The following UBAP2 variants were observed in gnomAD, a reference collection of about 807,000 sequenced individuals.
UBAP2 encodes the protein ubiquitin associated protein 2.
UBAP2 carries 75 observed loss-of-function variants against 139.6 expected under a neutral mutation model. The observed-to-expected ratio is 0.54, with a 90% CI of 0.45 to 0.65. The LOEUF (loss-of-function observed/expected upper bound fraction) is 0.65. UBAP2 is among the 30% of genes least tolerant of loss of function. The probability of loss-of-function intolerance (pLI) is 0.00; values close to 1 mark genes in which losing one functional copy is unlikely to be tolerated. For missense variants in UBAP2, 1,368 were observed against 1,369.6 expected (o/e 1.00, Z 0.02); for synonymous variants, 526 against 526.2 (o/e 1.00, Z 0.01).
chr9:33,969,096 T>TC (rs1396800260), intron 8 of UBAP2, among the ~76,000 whole-genome samples: 1 of 150,626 alleles, frequency 6.6e-6, no homozygotes, highest in Non-Finnish European at 1.5e-5. Context: ...TGAGGTTTTT[T>TC]CCCCCCAGAC....
intron 12 of UBAP2, among the ~76,000 whole-genome samples, chr9:33,950,904 T>C (rs1035187050): frequency 2.6e-5 from 4 of 152,350 alleles, no homozygotes; most frequent in African/African-American, 4.8e-5. Flanking sequence ...CACATGTGCA[T>C]ACATGCACAT....
At chr9:33,952,404 A>C (rs1186175137) in intron 12 of UBAP2, among the ~76,000 whole-genome samples, 1 of 152,206 alleles carries the variant, frequency 6.6e-6, no homozygotes. Flanking sequence ...CACACATTGG[A>C]AGTCAGTCAT....
chr9:34,001,233 A>G (rs1822673674), intron 2 of UBAP2, among the ~76,000 whole-genome samples: 1 of 152,222 alleles, frequency 6.6e-6, no homozygotes, highest in African/African-American at 2.4e-5. Flanking sequence ...TAAGTAAAAA[A>G]GGTTTTATTT....
At chr9:33,966,014 C>T (rs560254936) in intron 8 of UBAP2, among the ~76,000 whole-genome samples, 8 of 151,612 alleles carry the variant, frequency 5.3e-5, no homozygotes, top group East Asian at 3.9e-4. Flanking sequence ...CGTGCCACTG[C>T]GCTCCAGCCT....
At chr9:33,948,857 A>G in intron 12 of UBAP2, 2 of 372,708 alleles carry the variant, frequency 5.4e-6, no homozygotes, top group Non-Finnish European at 9.9e-6. Context: ...AATTTTTAAA[A>G]ACGTGATGTT....
chr9:33,989,841 A>C (rs964275137), intron 4 of UBAP2, among the ~76,000 whole-genome samples: 2 of 152,190 alleles, frequency 1.3e-5, no homozygotes, highest in African/African-American at 4.8e-5. Flanking sequence ...AGCTCCAGGA[A>C]TACAACCTTG....
At chr9:34,011,868 G>A (rs1318315434) in intron 2 of UBAP2, among the ~76,000 whole-genome samples, 1 of 152,110 alleles carries the variant, frequency 6.6e-6, no homozygotes, top group African/African-American at 2.4e-5. Context: ...GAACTAAGCT[G>A]CTTTCACAGT....
Position 33,923,887 on chromosome 9 carries a change from CGAA to C in UBAP2, c.2701_2703del (p.Phe901del). On this transcript the variant is annotated inframe_deletion, in exon 24 of 29. Coordinates refer to ENST00000379238, the MANE Select transcript of UBAP2 (RefSeq NM_001370062.2). ...TAGCCAGGTGGCAGTGCAGGATTCA[CGAA>C]GGGCTGCTGGGCTGTGTGGTGGGTC... 4 of 1,614,168 alleles carry C rather than the reference CGAA, an allele frequency of 2.5e-6. No homozygotes were observed. The highest frequency in any genetic ancestry group is 3.4e-6 in the Non-Finnish European group (4 of 1,180,012).
chr9:33,968,946 GTCTT>G (rs564302083), intron 8 of UBAP2, among the ~76,000 whole-genome samples: 2 of 152,194 alleles, frequency 1.3e-5, no homozygotes, highest in South Asian at 4.2e-4. Context: ...AATATATGTG[GTCTT>G]TCTGTGACTC....
chr9:34,008,875 G>A (rs1823477317), intron 2 of UBAP2, among the ~76,000 whole-genome samples: 1 of 144,028 alleles, frequency 6.9e-6, no homozygotes, highest in Non-Finnish European at 1.5e-5. Context: ...TGAGGCAGGA[G>A]AATGGCTTGA....
At chr9:33,964,871 C>T (rs1451958316) in intron 8 of UBAP2, among the ~76,000 whole-genome samples, 1 of 152,084 alleles carries the variant, frequency 6.6e-6, no homozygotes, top group Non-Finnish European at 1.5e-5. Context: ...GCTTTCCCAC[C>T]AGGCATGTAT....
At chr9:34,038,448 G>A (rs1311196711) in intron 1 of UBAP2, among the ~76,000 whole-genome samples, 1 of 152,212 alleles carries the variant, frequency 6.6e-6, no homozygotes, top group Admixed American at 6.5e-5. Flanking sequence ...ACACCTGACT[G>A]GTTTTCGTAT....
chr9:33,972,863 C>T (rs7863066), intron 7 of UBAP2, among the ~76,000 whole-genome samples: 2,669 of 152,138 alleles, frequency 0.018, 76 homozygotes, highest in African/African-American at 0.06. Flanking sequence ...CAACTTCAGG[C>T]GAAGTGCTAC....
At chr9:33,938,287 C>A (rs981681321) in intron 16 of UBAP2, among the ~76,000 whole-genome samples, 2 of 151,980 alleles carry the variant, frequency 1.3e-5, no homozygotes, top group Non-Finnish European at 2.9e-5. Flanking sequence ...CACCACCACG[C>A]CCAGCCACTT....
intron 2 of UBAP2, among the ~76,000 whole-genome samples, chr9:34,012,881 G>A (rs1431219199): frequency 6.6e-6 from 1 of 151,376 alleles, no homozygotes; most frequent in Non-Finnish European, 1.5e-5. Flanking sequence ...TCAGGCCCAG[G>A]GGCTCACACC....
chr9:34,038,669 A>G (rs558710235), intron 1 of UBAP2, among the ~76,000 whole-genome samples: 1 of 152,078 alleles, frequency 6.6e-6, no homozygotes, highest in Non-Finnish European at 1.5e-5. Flanking sequence ...TTGGCCTCCC[A>G]AAGTGCCGAG....
intron 4 of UBAP2, 174 bp downstream of exon 4, chr9:33,996,049 A>C (rs113389114): frequency 3.7e-6 from 2 of 537,396 alleles, no homozygotes; most frequent in African/African-American, 3.9e-5. Flanking sequence ...TTCATGAAGA[A>C]ACCATACATA....
At chr9:33,938,242 C>G (rs1824772286) in intron 16 of UBAP2, among the ~76,000 whole-genome samples, 2 of 152,088 alleles carry the variant, frequency 1.3e-5, no homozygotes, top group African/African-American at 4.8e-5. Context: ...GATCCACCTG[C>G]CTCAGTCTCC....
At position 34,036,136 on chromosome 9, in the gene UBAP2, C is replaced by T. The variant is rs138975086; in HGVS notation, c.-42+12689G>A. On this transcript the variant is annotated intron_variant, in intron 1 of 28. Transcript: ENST00000379238. ...CTTTTTTCTTTTTTTTTTTTTGAGA[C>T]GGAGTTTCACTCTTGTTGCCCAGGC... Among the ~76,000 whole-genome samples the T allele has an allele frequency of 4.4e-3, 653 of 147,192 alleles. 7 individuals are homozygous for T. Among genetic ancestry groups the T allele is most frequent in the African/African-American group, 0.016 (617 of 39,792 alleles).
Sources: allele counts gnomAD v4.1 joint callset (sites outside exome capture counted in the v4.1 genomes callset), GRCh38; gene constraint gnomAD v4.1.1; transcripts MANE v1.5; gene names NCBI Gene and HGNC (gene_info 2026-07-23, HGNC 2026-07-21).